Variants in NGEF observed in about 807,000 individuals in gnomAD.
The protein encoded by NGEF is neuronal guanine nucleotide exchange factor.
A neutral mutation model predicts 80.9 loss-of-function variants in NGEF; 31 were observed. The observed-to-expected ratio is 0.38, with a 90% confidence interval of 0.29 to 0.52. NGEF has a LOEUF of 0.52. NGEF is among the 20% of genes least tolerant of loss of function. The pLI is 0.84. For synonymous variants in NGEF, 371 were observed against 370.2 expected, an observed-to-expected ratio of 1.00 and a Z score of -0.03; for missense variants, 709 against 926.2, an observed-to-expected ratio of 0.77 and a Z score of 3.04.
Position 232,891,454 on chromosome 2 carries a change from C to T in NGEF, c.1176G>A (p.Ala392=), listed in dbSNP as rs377661429. Residue 392 remains alanine (A), a synonymous_variant, in exon 8 of 15, where the codon GCG becomes GCA. Coordinates refer to ENST00000264051, the MANE Select transcript of NGEF (RefSeq NM_019850.3). The part of the protein sequence containing the change: ...QEKAAFRELI[A]QLELDPKCRG... ...TGCACTTGGGGTCGAGCTCTAGCTG[C>T]GCGATCAGCTCCCGGAAAGCTGCCT... is the stretch of plus-strand genomic sequence containing the variant. The T allele has an allele frequency of 6.6e-5, 106 of 1,613,132 alleles. No homozygotes were observed. The highest frequency in any genetic ancestry group is 2.0e-4 in the South Asian group (18 of 91,090).
intron 1 of NGEF, among the ~76,000 whole-genome samples, chr2:232,992,997 A>ATG (rs1694680765): frequency 3.2e-5 from 4 of 125,184 alleles, no homozygotes; most frequent in Non-Finnish European, 6.5e-5. Flanking sequence ...AAGTATATAT[A>ATG]TATATATACA....
At chr2:232,921,193 A>G (rs1305356018) in intron 4 of NGEF, among the ~76,000 whole-genome samples, 1 of 152,188 alleles carries the variant, frequency 6.6e-6, no homozygotes, top group Non-Finnish European at 1.5e-5. Context: ...AATCAGCGCA[A>G]ATGTAGCACC....
chr2:232,907,942 C>G (rs1692606495), intron 5 of NGEF, among the ~76,000 whole-genome samples: 1 of 152,026 alleles, frequency 6.6e-6, no homozygotes, highest in Non-Finnish European at 1.5e-5. Flanking sequence ...AATTCCATCT[C>G]TACCAAAAAT....
At chr2:232,899,809 CTCAG>C (rs145003215) in intron 5 of NGEF, among the ~76,000 whole-genome samples, 2,175 of 150,058 alleles carry the variant, frequency 0.014, 38 homozygotes, top group Non-Finnish European at 0.022. Context: ...CACACACGCT[CTCAG>C]TCACTCATAT....
intron 1 of NGEF, among the ~76,000 whole-genome samples, chr2:233,009,917 A>C (rs962591024): frequency 6.6e-6 from 1 of 151,882 alleles, no homozygotes; most frequent in African/African-American, 2.4e-5. Flanking sequence ...CTTTTTTTGA[A>C]TTGGAGTCTT....
intron 3 of NGEF, among the ~76,000 whole-genome samples, chr2:232,930,682 G>C (rs1320458982): frequency 8.6e-5 from 13 of 151,962 alleles, no homozygotes; most frequent in Admixed American, 8.5e-4. Flanking sequence ...CCATTCATGA[G>C]GGATCCACCC....
At chr2:232,943,586 C>T (rs1693485698) in intron 3 of NGEF, among the ~76,000 whole-genome samples, 1 of 151,376 alleles carries the variant, frequency 6.6e-6, no homozygotes, top group Non-Finnish European at 1.5e-5. Context: ...AGCTCCGCCT[C>T]CCGGGTTCAC....
chr2:232,999,407 G>T (rs1455562023), intron 1 of NGEF, among the ~76,000 whole-genome samples: 1 of 152,176 alleles, frequency 6.6e-6, no homozygotes, highest in Non-Finnish European at 1.5e-5. Flanking sequence ...GCTGCATTGT[G>T]TCGGGGACTG....
chr2:232,946,927 C>CA (rs146207378), intron 3 of NGEF, among the ~76,000 whole-genome samples: 76 of 138,158 alleles, frequency 5.5e-4, no homozygotes, highest in Non-Finnish European at 1.1e-3. Context: ...GAAAACAAAC[C>CA]AAAAAACAAA....
At chr2:232,899,667 C>G (rs1692217366) in intron 5 of NGEF, among the ~76,000 whole-genome samples, 1 of 145,782 alleles carries the variant, frequency 6.9e-6, no homozygotes, top group African/African-American at 2.5e-5. Flanking sequence ...TTCACTCACA[C>G]ATGCTCTCAC....
At chr2:232,914,656 T>C (rs1040995683) in intron 5 of NGEF, among the ~76,000 whole-genome samples, 1 of 152,166 alleles carries the variant, frequency 6.6e-6, no homozygotes, top group African/African-American at 2.4e-5. Flanking sequence ...CGAACCAAGA[T>C]TGTGCCACTG....
Position 232,920,431 on chromosome 2 carries a change from C to T in NGEF, c.681G>A (p.Pro227=), listed in dbSNP as rs146092866. ...EEEEEEEEEE[P]ASPPERKTLP... Reference sequence around the variant, plus strand: ...GAGTCTTCCTCTCTGGTGGGCTGGCCGGCTCCTCCTCCTCCTCCTCTTCTT... The same window carrying T: ...GAGTCTTCCTCTCTGGTGGGCTGGCTGGCTCCTCCTCCTCCTCCTCTTCTT... The change falls in exon 5 of 15, where the codon CCG becomes CCA. Residue 227 remains proline, a synonymous_variant. Transcript: ENST00000264051. 1.6e-4 allele frequency: 258 copies of T among 1,613,820 alleles called. No homozygotes were observed. Among genetic ancestry groups the T allele is most frequent in the Non-Finnish European group, 2.0e-4 (241 of 1,179,892 alleles).
chr2:232,926,338 A>AT lies in NGEF; in HGVS notation c.526+705dup, dbSNP rs3038717. ...GAGAACTAGCTTGATGTCACTAGCG[A>AT]TTTTTTTTTTTTTTAATGCAAGTAC... is the stretch of plus-strand genomic sequence containing the variant. On this transcript the variant is annotated intron_variant, in intron 4 of 14. Transcript: ENST00000264051. Among the ~76,000 whole-genome samples the AT allele has an allele frequency of 5.8e-3, 861 of 148,972 alleles. 10 individuals carry two copies. Among genetic ancestry groups the AT allele is most frequent in the African/African-American group, 0.018 (716 of 40,254 alleles).
At chr2:233,005,284 T>G (rs1326170420) in intron 1 of NGEF, among the ~76,000 whole-genome samples, 1 of 152,206 alleles carries the variant, frequency 6.6e-6, no homozygotes, top group Non-Finnish European at 1.5e-5. Context: ...TCCGCAGATG[T>G]GTTCCCACAT....
intron 1 of NGEF, among the ~76,000 whole-genome samples, chr2:233,006,339 G>A (rs371842926): frequency 4.6e-5 from 7 of 152,306 alleles, no homozygotes; most frequent in African/African-American, 1.2e-4. Context: ...TTATTCACTG[G>A]AGGGAAGTCA....
At chr2:232,976,503 C>T (rs768051649) in intron 1 of NGEF, among the ~76,000 whole-genome samples, 2 of 152,112 alleles carry the variant, frequency 1.3e-5, no homozygotes, top group African/African-American at 2.4e-5. Context: ...AGAATGCCTT[C>T]GTTTACCTAA....
chr2:233,003,588 C>A (rs1695026091), intron 1 of NGEF, among the ~76,000 whole-genome samples: 1 of 152,164 alleles, frequency 6.6e-6, no homozygotes, highest in South Asian at 2.1e-4. Context: ...ACACATACCA[C>A]CCTGCCCTAC....
chr2:232,959,210 AT>A (rs1693894895), intron 3 of NGEF, among the ~76,000 whole-genome samples: 1 of 151,890 alleles, frequency 6.6e-6, no homozygotes, highest in African/African-American at 2.4e-5. Flanking sequence ...AAATTGGGGC[AT>A]TTATCCTGTT....
At chr2:232,953,173 G>A (rs1480428271) in intron 3 of NGEF, among the ~76,000 whole-genome samples, 30 of 151,022 alleles carry the variant, frequency 2.0e-4, no homozygotes, top group East Asian at 5.8e-4. Context: ...GTGGTGGCGC[G>A]TGCCTGTAAT....
Sources: allele counts gnomAD v4.1 joint callset (sites outside exome capture counted in the v4.1 genomes callset), GRCh38; gene constraint gnomAD v4.1.1; transcripts MANE v1.5; gene names NCBI Gene and HGNC (gene_info 2026-07-23, HGNC 2026-07-21).